RPTOR: variants seen among roughly 807,000 people sequenced by gnomAD.
RPTOR encodes regulatory associated protein of MTOR complex 1.
Under a neutral mutation model 169.9 loss-of-function variants are expected in RPTOR, and 21 were observed. The observed-to-expected ratio is 0.12, with a 90% CI of 0.09 to 0.18. The LOEUF (loss-of-function observed/expected upper bound fraction) is 0.18, where lower values mean the gene tolerates loss of function less well. RPTOR is among the 10% of genes least tolerant of loss of function. The pLI is 1.00. For synonymous variants in RPTOR, 732 were observed against 753.2 expected (o/e 0.97, Z 0.46); for missense variants, 1,133 against 1,855.9 (o/e 0.61, Z 7.16).
intron 9 of RPTOR, among the ~76,000 whole-genome samples, chr17:80,831,035 C>T (rs114560403): frequency 7.6e-4 from 115 of 152,234 alleles, no homozygotes; most frequent in African/African-American, 2.6e-3. Flanking sequence ...TGTGTGCCAC[C>T]GCGCCCAATA....
At chr17:80,785,502 T>C (rs974258720) in intron 6 of RPTOR, among the ~76,000 whole-genome samples, 4 of 152,080 alleles carry the variant, frequency 2.6e-5, no homozygotes, top group Non-Finnish European at 4.4e-5. Context: ...ACTAGTGAGG[T>C]TTCTGGGGAG....
chr17:80,634,734 C>CTG (rs756574438), intron 2 of RPTOR, among the ~76,000 whole-genome samples: 6 of 85,954 alleles, frequency 7.0e-5, no homozygotes, highest in South Asian at 3.5e-4. Context: ...TGTGTGCGTA[C>CTG]TGTGTGTGTG....
chr17:80,753,928 C>A, intron 5 of RPTOR, 82 bp from the exon 6 acceptor site: 1 of 1,256,392 alleles, frequency 8.0e-7, no homozygotes, highest in Non-Finnish European at 1.1e-6. Context: ...TTCTTTCCTT[C>A]TGTGTTACAG....
At position 80,834,952 on chromosome 17, in the gene RPTOR, G is replaced by A. The variant is rs184479076; in HGVS notation, c.1137-2970G>A. On this transcript the variant is annotated intron_variant, in intron 9 of 33. Transcript: ENST00000306801. ...AGAAACTTTTTATTTGATTAAATTC[G>A]AGGAATCTTTATAGAGTTTAATTGC... Among the ~76,000 whole-genome samples the A allele has an allele frequency of 2.5e-3, 374 of 152,284 alleles. 5 individuals carry two copies. Among genetic ancestry groups the A allele is most frequent in the African/African-American group, 8.3e-3 (346 of 41,548 alleles).
intron 33 of RPTOR, among the ~76,000 whole-genome samples, chr17:80,963,845 G>C (rs1472865572): frequency 6.6e-6 from 1 of 151,932 alleles, no homozygotes; most frequent in Non-Finnish European, 1.5e-5. Flanking sequence ...CCTGTCCCCT[G>C]TGCGGCCGGG....
chr17:80,566,998 T>C (rs908855082), intron 1 of RPTOR, among the ~76,000 whole-genome samples: 12 of 151,454 alleles, frequency 7.9e-5, no homozygotes, highest in Non-Finnish European at 1.6e-4. Flanking sequence ...TGAGACAGAG[T>C]CTCACTCCAT....
chr17:80,881,320 A>G (rs1337559682), intron 14 of RPTOR, among the ~76,000 whole-genome samples: 2 of 152,268 alleles, frequency 1.3e-5, no homozygotes, highest in African/African-American at 2.4e-5. Flanking sequence ...GAAACATCAC[A>G]GGCAGTTAAA....
At chr17:80,920,582 C>T (rs1331153334) in intron 21 of RPTOR, among the ~76,000 whole-genome samples, 1 of 152,212 alleles carries the variant, frequency 6.6e-6, no homozygotes, top group Non-Finnish European at 1.5e-5. Context: ...CGGCTCCATG[C>T]GGTACTCCCA....
intron 1 of RPTOR, among the ~76,000 whole-genome samples, chr17:80,604,675 A>G (rs1415869773): frequency 3.3e-5 from 5 of 152,252 alleles, no homozygotes; most frequent in Non-Finnish European, 5.9e-5. Flanking sequence ...AGGCCTCACA[A>G]TCATGGCAGA....
chr17:80,651,040 C>T lies in RPTOR; in HGVS notation c.348+7230C>T, dbSNP rs1044931703. On this transcript the variant is annotated intron_variant, in intron 3 of 33. Coordinates refer to ENST00000306801, the MANE Select transcript of RPTOR (RefSeq NM_020761.3). The surrounding 1 kb of genome is among the most constrained non-coding windows in gnomAD (Gnocchi z 4.1). ...CAAATTGCAAATGAGGACCCCCCACCGTCAGGCTGGGGACTAAAACTGTAG... is the reference window on the plus strand; with the variant it reads ...CAAATTGCAAATGAGGACCCCCCACTGTCAGGCTGGGGACTAAAACTGTAG... Among the ~76,000 whole-genome samples, 4 of 152,194 alleles carry T rather than the reference C, an allele frequency of 2.6e-5. No individual in the cohort carries two copies. The highest frequency in any genetic ancestry group is 6.5e-5 in the Admixed American group (1 of 15,286).
At chr17:80,961,970 G>T (rs566354640) in intron 31 of RPTOR, among the ~76,000 whole-genome samples, 52 of 152,328 alleles carry the variant, frequency 3.4e-4, no homozygotes, top group Admixed American at 2.2e-3. Context: ...CCCCTTGTTT[G>T]TGATATAAAA....
intron 3 of RPTOR, among the ~76,000 whole-genome samples, chr17:80,682,582 C>T (rs1051350173): frequency 6.6e-6 from 1 of 152,226 alleles, no homozygotes; most frequent in African/African-American, 2.4e-5. Context: ...AACACCGAGG[C>T]GTGCCCACGG....
At chr17:80,956,010 AT>A (rs1445981150) in intron 28 of RPTOR, among the ~76,000 whole-genome samples, 1 of 152,242 alleles carries the variant, frequency 6.6e-6, no homozygotes, top group Non-Finnish European at 1.5e-5. Flanking sequence ...AAAGCCTAAC[AT>A]TAAAGAAGCA....
intron 12 of RPTOR, among the ~76,000 whole-genome samples, chr17:80,856,465 T>C (rs2067853124): frequency 6.6e-6 from 1 of 152,184 alleles, no homozygotes; most frequent in African/African-American, 2.4e-5. Context: ...TATTTAAGTA[T>C]TTTCATCAGA....
At chr17:80,629,513 GTCTC>G (rs2065425078) in intron 2 of RPTOR, among the ~76,000 whole-genome samples, 1 of 151,112 alleles carries the variant, frequency 6.6e-6, no homozygotes, top group Admixed American at 6.6e-5. Context: ...TCTTCTGTGT[GTCTC>G]TCTCTTCTGG....
rs74004029 is a variant in RPTOR at position 80,873,953 on chromosome 17, G to A, written c.1510-6462G>A. On this transcript the variant is annotated intron_variant, in intron 13 of 33. Coordinates refer to ENST00000306801, the MANE Select transcript of RPTOR (RefSeq NM_020761.3). ...AGACATGTGGACCCAAGTCAGCCCC[G>A]GACTGAGCAGCGGGTACCCCAGAAG... is the stretch of plus-strand genomic sequence containing the variant. Among the ~76,000 whole-genome samples, 564 of 152,228 alleles carry A rather than the reference G, an allele frequency of 3.7e-3. 11 individuals carry two copies. Among genetic ancestry groups the A allele is most frequent in the African/African-American group, 0.013 (532 of 41,530 alleles).
chr17:80,757,757 CCT>C (rs575755485), intron 6 of RPTOR, among the ~76,000 whole-genome samples: 84 of 152,118 alleles, frequency 5.5e-4, no homozygotes, highest in African/African-American at 2.0e-3. Context: ...TCTTTTGGGG[CCT>C]CTGTTTCTCT....
intron 11 of RPTOR, among the ~76,000 whole-genome samples, chr17:80,854,142 A>C (rs911749651): frequency 6.6e-6 from 1 of 152,224 alleles, no homozygotes; most frequent in Non-Finnish European, 1.5e-5. Context: ...TTACTGGGGA[A>C]ATGGCCCATC....
rs2065592799 is a variant in RPTOR at position 80,646,003 on chromosome 17, G to C, written c.348+2193G>C. Among the ~76,000 whole-genome samples the C allele has an allele frequency of 6.6e-6, 1 of 152,208 alleles. No individual in the cohort carries two copies. The highest frequency in any genetic ancestry group is 1.5e-5 in the Non-Finnish European group (1 of 68,032). On this transcript the variant is annotated intron_variant, in intron 3 of 33. Coordinates refer to ENST00000306801, the MANE Select transcript of RPTOR (RefSeq NM_020761.3). This position sits in a 1 kb window ranked among gnomAD's most constrained non-coding sequence, Gnocchi z 5.0. Reference sequence around the variant, plus strand: ...TCGTTTGAAGGGCTGGTGAGATGGAGAATGTGTTAAGATTACAGGATGCTT... The same window carrying C: ...TCGTTTGAAGGGCTGGTGAGATGGACAATGTGTTAAGATTACAGGATGCTT...
Sources: allele counts gnomAD v4.1 joint callset (sites outside exome capture counted in the v4.1 genomes callset), GRCh38; gene constraint gnomAD v4.1.1; non-coding constraint Gnocchi (gnomAD v3.1); transcripts MANE v1.5; gene names NCBI Gene and HGNC (gene_info 2026-07-23, HGNC 2026-07-21).